CRYBB1: variants seen among roughly 807,000 people sequenced by gnomAD.
The protein encoded by CRYBB1 is beta-crystallin B1.
A neutral mutation model predicts 29.5 loss-of-function variants in CRYBB1; 16 were observed. The observed-to-expected ratio is 0.54, with a 90% confidence interval of 0.37 to 0.82. The LOEUF (loss-of-function observed/expected upper bound fraction) is 0.82, where lower values mean the gene tolerates loss of function less well. Among genes scored for constraint, CRYBB1 ranks in the 40% least tolerant of loss-of-function variants. CRYBB1 has a pLI of 0.00. For missense variants in CRYBB1, 300 were observed against 350.5 expected, an observed-to-expected ratio of 0.86 and a Z score of 1.15; for synonymous variants, 127 against 136.7, an observed-to-expected ratio of 0.93 and a Z score of 0.49.
At chr22:26,612,505 G>C (rs568569836) in intron 2 of CRYBB1, among the ~76,000 whole-genome samples, 1 of 152,096 alleles carries the variant, frequency 6.6e-6, no homozygotes, top group African/African-American at 2.4e-5. Context: ...GAGATTACAG[G>C]CACCCACCAC....
At chr22:26,603,702 G>A (rs1224856689) in intron 4 of CRYBB1, among the ~76,000 whole-genome samples, 3 of 150,850 alleles carry the variant, frequency 2.0e-5, no homozygotes, top group Admixed American at 6.6e-5. Flanking sequence ...TCAGGAGTTC[G>A]AGACCAGCCT....
intron 3 of CRYBB1, among the ~76,000 whole-genome samples, chr22:26,609,126 T>G (rs988579477): frequency 2.0e-5 from 3 of 152,040 alleles, no homozygotes; most frequent in Non-Finnish European, 4.4e-5. Context: ...AAGAGACGGA[T>G]GAGGGGACAC....
At chr22:26,615,139 AC>A (rs1244454891) in intron 2 of CRYBB1, among the ~76,000 whole-genome samples, 1 of 152,228 alleles carries the variant, frequency 6.6e-6, no homozygotes, top group Non-Finnish European at 1.5e-5. Flanking sequence ...CCACGCACTG[AC>A]CACATGAGAG....
intron 3 of CRYBB1, among the ~76,000 whole-genome samples, chr22:26,611,541 C>T (rs1405472384): frequency 6.7e-6 from 1 of 149,814 alleles, no homozygotes; most frequent in East Asian, 2.0e-4. Context: ...GTGGCGCAAT[C>T]TCGGCTCACT....
At chr22:26,616,900 C>T (rs1929373920) in intron 1 of CRYBB1, among the ~76,000 whole-genome samples, 1 of 152,220 alleles carries the variant, frequency 6.6e-6, no homozygotes, top group African/African-American at 2.4e-5. Flanking sequence ...GGAAATGGAG[C>T]CAGCAACTGG....
intron 4 of CRYBB1, among the ~76,000 whole-genome samples, chr22:26,606,816 T>G (rs1928988906): frequency 6.6e-6 from 1 of 152,206 alleles, no homozygotes; most frequent in South Asian, 2.1e-4. Flanking sequence ...CATCAGCAAC[T>G]AACATTGGTG....
chr22:26,611,536 G>T (rs890212646), intron 3 of CRYBB1, among the ~76,000 whole-genome samples: 3 of 150,490 alleles, frequency 2.0e-5, no homozygotes, highest in African/African-American at 7.3e-5. Context: ...CTGCAGTGGC[G>T]CAATCTCGGC....
At chr22:26,615,608 G>T (rs1412858025) in intron 2 of CRYBB1, among the ~76,000 whole-genome samples, 1 of 151,970 alleles carries the variant, frequency 6.6e-6, no homozygotes, top group Non-Finnish European at 1.5e-5. Flanking sequence ...CCGCCTCCTG[G>T]GTTCAAGTGA....
At chr22:26,611,127 G>T (rs1481417570) in intron 3 of CRYBB1, among the ~76,000 whole-genome samples, 1 of 152,184 alleles carries the variant, frequency 6.6e-6, no homozygotes, top group African/African-American at 2.4e-5. Context: ...AGGCAGTGAA[G>T]CATGGTGATT....
At chr22:26,617,047 T>C (rs1046047432) in intron 1 of CRYBB1, among the ~76,000 whole-genome samples, 1 of 152,246 alleles carries the variant, frequency 6.6e-6, no homozygotes, top group South Asian at 2.1e-4. Flanking sequence ...TCCCAGCTCC[T>C]TTCCCCGTCT....
At position 26,608,334 on chromosome 22, in the gene CRYBB1, A is replaced by G. The variant is rs5761627; in HGVS notation, c.300-313T>C. ...TGAGCACACTGTTTCTCTAGATGTA[A>G]GGTTCATACATGCTTCAAGTACTAT... On this transcript the variant is annotated intron_variant, in intron 3 of 5. Coordinates refer to ENST00000647684, the MANE Select transcript of CRYBB1 (RefSeq NM_001887.4). Among the ~76,000 whole-genome samples, 27,040 of 152,214 alleles carry G rather than the reference A, an allele frequency of 0.18. 3,159 individuals carry two copies. Among genetic ancestry groups the G allele is most frequent in the South Asian group, 0.38 (1,817 of 4,828 alleles).
rs747876539 is a variant in CRYBB1, at chr22:26,612,071, C to T, written c.299+1G>A. The T allele has an allele frequency of 8.7e-6, 14 of 1,608,044 alleles. No individual in the cohort carries two copies. Among genetic ancestry groups the T allele is most frequent in the African/African-American group, 8.0e-5 (6 of 74,732 alleles). ...GTGCCCCTCCGCCGCCCAGTACTCA[C>T]GGTCCCGCGGAGACAATGATGCTGC... is the stretch of plus-strand genomic sequence containing the variant. On this transcript the variant is annotated splice_donor_variant, in intron 3 of 5. Transcript: ENST00000647684. LOFTEE classifies it high-confidence loss of function.
Position 26,599,459 on chromosome 22 carries a change from T to C in CRYBB1, c.*31A>G. 25 of 1,585,624 alleles carry C rather than the reference T, an allele frequency of 1.6e-5. No individual in the cohort carries two copies. The highest frequency in any genetic ancestry group is 2.1e-5 in the Non-Finnish European group (24 of 1,160,604). On this transcript the variant is annotated 3_prime_UTR_variant, in exon 6 of 6. Coordinates refer to ENST00000647684, the MANE Select transcript of CRYBB1 (RefSeq NM_001887.4). Reference sequence around the variant, plus strand: ...GGAAATAATTGAACATGAAGAAGGGTTGGGGCAAGGTAGCAGAGTGAGGTG... The same window carrying C: ...GGAAATAATTGAACATGAAGAAGGGCTGGGGCAAGGTAGCAGAGTGAGGTG...
chr22:26,603,817 A>G (rs75049441), intron 4 of CRYBB1, among the ~76,000 whole-genome samples: 26,839 of 148,936 alleles, frequency 0.18, 3,114 homozygotes, highest in East Asian at 0.39. Context: ...CCAGCTACTC[A>G]GGAGGCTGAG....
chr22:26,609,598 G>C (rs1165524046), intron 3 of CRYBB1, among the ~76,000 whole-genome samples: 1 of 152,148 alleles, frequency 6.6e-6, no homozygotes, highest in Non-Finnish European at 1.5e-5. Context: ...ACACATGGTG[G>C]GTACGTGTGT....
chr22:26,616,989 T>G (rs1929376485), intron 1 of CRYBB1, among the ~76,000 whole-genome samples: 1 of 152,240 alleles, frequency 6.6e-6, no homozygotes, highest in African/African-American at 2.4e-5. Flanking sequence ...ACCTGGCACA[T>G]AGGAGATGCC....
chr22:26,617,119 G>A (rs755882358), intron 1 of CRYBB1, among the ~76,000 whole-genome samples: 2 of 152,146 alleles, frequency 1.3e-5, no homozygotes, highest in African/African-American at 4.8e-5. Context: ...GCTTATGGGA[G>A]GACCCAAGAG....
At chr22:26,605,499 C>A (rs890727537) in intron 4 of CRYBB1, among the ~76,000 whole-genome samples, 1 of 151,884 alleles carries the variant, frequency 6.6e-6, no homozygotes, top group Non-Finnish European at 1.5e-5. Flanking sequence ...CATGATGAAA[C>A]CCTGTCTCTA....
chr22:26,610,862 C>A (rs1242512018), intron 3 of CRYBB1, among the ~76,000 whole-genome samples: 2 of 152,184 alleles, frequency 1.3e-5, no homozygotes, highest in African/African-American at 2.4e-5. Context: ...AGTCAGGACT[C>A]AAACCCAGGC....
Sources: gnomAD v4.1 joint callset for allele counts (sites outside exome capture counted in the v4.1 genomes callset) on GRCh38, gnomAD v4.1.1 for gene constraint, MANE v1.5 for transcripts, NCBI Gene and HGNC (gene_info 2026-07-23, HGNC 2026-07-21) for gene names.